The following VPS13D variants were observed in gnomAD, a reference collection of about 807,000 sequenced individuals.
VPS13D encodes vacuolar protein sorting 13 homolog D.
In VPS13D, 187 loss-of-function variants were observed where a neutral mutation model predicts 461.9. The observed-to-expected ratio is 0.40, with a 90% confidence interval of 0.36 to 0.46. The LOEUF is 0.46. VPS13D is among the 20% of genes least tolerant of loss of function. The pLI, the probability that VPS13D is intolerant of heterozygous loss-of-function variation, is 0.60. For synonymous variants in VPS13D, 1,951 were observed against 1,986.3 expected, an observed-to-expected ratio of 0.98 and a Z score of 0.47; for missense variants, 4,711 against 5,364.9, an observed-to-expected ratio of 0.88 and a Z score of 3.81.
At chr1:12,485,310 A>G (rs1645783059) in intron 67 of VPS13D, among the ~76,000 whole-genome samples, 1 of 152,194 alleles carries the variant, frequency 6.6e-6, no homozygotes, top group Non-Finnish European at 1.5e-5. Flanking sequence ...CCAGCTTGCA[A>G]TGCACGCAAA....
chr1:12,387,485 AGATGTTAGAATTTTTGGAG>A (rs1483215065), intron 60 of VPS13D, among the ~76,000 whole-genome samples: 5 of 152,236 alleles, frequency 3.3e-5, no homozygotes, highest in Admixed American at 6.5e-5. Context: ...CAACTGGCAC[AGATGTTAGAATTTTTGGAG>A]GACGTTAAAA....
chr1:12,483,568 A>G (rs973042183), intron 67 of VPS13D, among the ~76,000 whole-genome samples: 1 of 152,006 alleles, frequency 6.6e-6, no homozygotes, highest in Non-Finnish European at 1.5e-5. Flanking sequence ...ATGTAAGTAC[A>G]TATCTTTCTT....
At chr1:12,461,531 T>G (rs1455707603) in intron 67 of VPS13D, among the ~76,000 whole-genome samples, 1 of 152,172 alleles carries the variant, frequency 6.6e-6, no homozygotes, top group Non-Finnish European at 1.5e-5. Flanking sequence ...AATCCTTGAG[T>G]ATATTTTGAA....
At chr1:12,268,621 G>A in intron 15 of VPS13D, 85 bp from the exon 16 acceptor site, 2 of 1,418,722 alleles carry the variant, frequency 1.4e-6, no homozygotes, top group Non-Finnish European at 1.9e-6. Context: ...GAAAATGTCT[G>A]TTTTTCCAGA....
intron 62 of VPS13D, among the ~76,000 whole-genome samples, 195 bp from the exon 63 acceptor site, chr1:12,403,630 C>T (rs1459688812): frequency 6.6e-6 from 1 of 152,036 alleles, no homozygotes; most frequent in Admixed American, 6.6e-5. Context: ...TGATAAACAA[C>T]ACAAAACAGA....
chr1:12,508,160 G>A (rs535937528), intron 69 of VPS13D, among the ~76,000 whole-genome samples: 1 of 152,236 alleles, frequency 6.6e-6, no homozygotes, highest in Non-Finnish European at 1.5e-5. Context: ...TCCCTTCACT[G>A]TAGCAGGTGG....
At chr1:12,373,506 A>G (rs1043446014) in intron 54 of VPS13D, among the ~76,000 whole-genome samples, 2 of 152,098 alleles carry the variant, frequency 1.3e-5, no homozygotes, top group Non-Finnish European at 2.9e-5. Flanking sequence ...CACTAAAATT[A>G]TGAAGAGAAG....
rs749420864 is a variant in VPS13D, at chr1:12,356,038, A to G, written c.9819A>G (p.Glu3273=). 9.9e-6 allele frequency: 16 copies of G among 1,614,040 alleles called. No homozygotes were observed. The highest frequency in any genetic ancestry group is 8.8e-5 in the South Asian group (8 of 91,052). The change falls in exon 48 of 70, where the codon GAA becomes GAG. Residue 3273 remains glutamate, a synonymous_variant. Coordinates refer to ENST00000620676, the MANE Select transcript of VPS13D (RefSeq NM_015378.4). ...CCATCCGGATTGTGTGTCGAGCAGA[A>G]GGATCCTTAAAGATCTTCATTTCTG... ...NLTIRIVCRA[E]GSLKIFISAP...
chr1:12,377,716 A>C (rs1279858412), intron 55 of VPS13D, among the ~76,000 whole-genome samples: 1 of 147,868 alleles, frequency 6.8e-6, no homozygotes, highest in Non-Finnish European at 1.5e-5. Context: ...GCTACTCGGG[A>C]GGCTGAGGCA....
chr1:12,403,871 A>G lies in VPS13D; in HGVS notation c.11928A>G (p.Gln3976=), dbSNP rs767102042. Residue 3976 remains glutamine (Q), a synonymous_variant, in exon 63 of 70, where the codon CAA becomes CAG. Coordinates refer to ENST00000620676, the MANE Select transcript of VPS13D (RefSeq NM_015378.4). ...ACCTCCATGAAAAGACAGCTGAGCA[A>G]GGTGGAACACCAATTCGATACTACT... ...DENLHEKTAE[Q]GGTPIRYYFE... The G allele has an allele frequency of 1.2e-6, 2 of 1,612,134 alleles. No individual in the cohort carries two copies. Among genetic ancestry groups the G allele is most frequent in the Admixed American group, 1.7e-5 (1 of 59,522 alleles).
At chr1:12,504,833 G>A (rs376347066) in intron 68 of VPS13D, among the ~76,000 whole-genome samples, 5 of 152,208 alleles carry the variant, frequency 3.3e-5, no homozygotes, top group African/African-American at 7.2e-5. Flanking sequence ...AAGCACACTA[G>A]TCATGTCGGC....
At chr1:12,386,391 C>T in intron 60 of VPS13D, 57 bp downstream of exon 60, 2 of 1,519,324 alleles carry the variant, frequency 1.3e-6, no homozygotes, top group Non-Finnish European at 1.8e-6. Context: ...ATCACCCAAC[C>T]AGATCTAATG....
In VPS13D at chr1:12,268,812, A is replaced by G. The variant is rs548630440; in HGVS notation, c.1908A>G (p.Ile636Met). Residue 636 changes from isoleucine to methionine, a missense_variant, in exon 16 of 70, where the codon ATA (isoleucine) becomes ATG (methionine). Ile to Met is a conservative substitution (Grantham distance 10, BLOSUM62 1). This residue lies in a region of VPS13D where 4,411 missense variants were observed against 4,937.8 expected (regional missense o/e 0.89). Transcript: ENST00000620676. ...LNVSTRPLNI[I>M]YNPQAIKKVA... ...TCAGCACAAGGCCCTTGAACATCAT[A>G]TACAATCCGCAGGCCATTAAAAAAG... 1.6e-5 allele frequency: 26 copies of G among 1,614,108 alleles called. No individual in the cohort carries two copies. In the African/African-American group the frequency reaches 2.3e-4, roughly 14 times the overall value.
chr1:12,474,630 A>G (rs551773377), intron 67 of VPS13D, among the ~76,000 whole-genome samples: 2 of 152,376 alleles, frequency 1.3e-5, no homozygotes, highest in East Asian at 1.9e-4. Context: ...TGAAAATACA[A>G]GATCGATAAC....
intron 67 of VPS13D, among the ~76,000 whole-genome samples, chr1:12,482,413 A>C (rs1028380200): frequency 6.6e-6 from 1 of 152,232 alleles, no homozygotes; most frequent in Non-Finnish European, 1.5e-5. Flanking sequence ...TTTTAAATGC[A>C]TATTAGACAT....
At chr1:12,445,101 T>C (rs11121910) in intron 65 of VPS13D, among the ~76,000 whole-genome samples, 6,846 of 152,288 alleles carry the variant, frequency 0.045, 290 homozygotes, top group Admixed American at 0.11. Context: ...AATAGAAAGA[T>C]GAGGTCAGAG....
In VPS13D at chr1:12,271,058, G is replaced by A. The variant is rs776835837; in HGVS notation, c.2037G>A (p.Lys679=). Reference sequence around the variant, plus strand: ...AAGCTGCCCGAAGACAATATAACAAGCTGAAGATGCAGACCAAGGCAGAAA... The same window carrying A: ...AAGCTGCCCGAAGACAATATAACAAACTGAAGATGCAGACCAAGGCAGAAA... ...VAEAARRQYN[K]LKMQTKAEIR... Residue 679 remains lysine (K), a synonymous_variant, in exon 17 of 70, where the codon AAG becomes AAA. Coordinates refer to ENST00000620676, the MANE Select transcript of VPS13D (RefSeq NM_015378.4). The A allele has an allele frequency of 2.5e-6, 4 of 1,613,914 alleles. No individual in the cohort carries two copies. The highest frequency in any genetic ancestry group is 1.3e-5 in the African/African-American group (1 of 74,892).
chr1:12,449,841 C>T (rs543790975), intron 65 of VPS13D, among the ~76,000 whole-genome samples: 2 of 152,284 alleles, frequency 1.3e-5, no homozygotes, highest in Non-Finnish European at 1.5e-5. Context: ...CAGTCCTTTG[C>T]AGGCCAGGCT....
At chr1:12,385,669 G>A (rs1644341613) in intron 59 of VPS13D, among the ~76,000 whole-genome samples, 1 of 152,176 alleles carries the variant, frequency 6.6e-6, no homozygotes, top group South Asian at 2.1e-4. Context: ...TTTTGCTTCA[G>A]CCATCTCTGA....
Sources: gnomAD v4.1 joint callset for allele counts (sites outside exome capture counted in the v4.1 genomes callset) on GRCh38, gnomAD v4.1.1 for gene constraint, gnomAD v4.1.1 regional missense constraint, MANE v1.5 for transcripts, NCBI Gene and HGNC (gene_info 2026-07-23, HGNC 2026-07-21) for gene names.